The following HEATR5A variants were observed in gnomAD, a reference collection of about 807,000 sequenced individuals.
The protein encoded by HEATR5A is HEAT repeat-containing protein 5A.
Under a neutral mutation model 218.8 loss-of-function variants are expected in HEATR5A, and 178 were observed. The observed-to-expected ratio is 0.81, with a 90% CI of 0.72 to 0.92. HEATR5A has a LOEUF of 0.92. Ranked by LOEUF, HEATR5A falls within the 40% of genes least tolerant of loss-of-function variation. HEATR5A has a pLI of 0.00. For synonymous variants in HEATR5A, 864 were observed against 871.6 expected, an observed-to-expected ratio of 0.99 and a Z score of 0.15; for missense variants, 2,420 against 2,418.9, an observed-to-expected ratio of 1.00 and a Z score of -0.01.
At chr14:31,369,462 A>G (rs1191529910) in intron 13 of HEATR5A, among the ~76,000 whole-genome samples, 1 of 151,774 alleles carries the variant, frequency 6.6e-6, no homozygotes, top group Non-Finnish European at 1.5e-5. Flanking sequence ...AAAACACAAA[A>G]ATTAGCCAGG....
chr14:31,380,554 A>T lies in HEATR5A; in HGVS notation c.1621T>A (p.Leu541Met). The T allele has an allele frequency of 6.2e-7, 1 of 1,601,854 alleles. No homozygotes were observed. Among genetic ancestry groups the T allele is most frequent in the Non-Finnish European group, 8.5e-7 (1 of 1,173,694 alleles). ...GKIIMTLAED[L>M]LCSAAQNSRL... The stretch of plus-strand genomic sequence containing the variant: ...CTGTTTTGAGCAGCAGAACACAGCA[A>T]ATCCTCTGCTAATGTCATAATAATC... The change falls in exon 11 of 36, where the codon TTG (leucine) becomes ATG (methionine). Residue 541 changes from leucine (L) to methionine (M), a missense_variant. Leu to Met is a conservative substitution (Grantham distance 15). Transcript: ENST00000543095.
At chr14:31,413,338 T>A (rs1445727456) in intron 1 of HEATR5A, among the ~76,000 whole-genome samples, 1 of 149,452 alleles carries the variant, frequency 6.7e-6, no homozygotes, top group Non-Finnish European at 1.5e-5. Context: ...TTATAAGAAG[T>A]GGGGTGAAAA....
intron 3 of HEATR5A, among the ~76,000 whole-genome samples, chr14:31,400,006 CA>C (rs1280108100): frequency 6.6e-6 from 1 of 152,098 alleles, no homozygotes; most frequent in African/African-American, 2.4e-5. Flanking sequence ...ATTATAAAAG[CA>C]TCCAAAAATG....
In HEATR5A at chr14:31,398,678, C is replaced by T. The variant is rs1359522816; in HGVS notation, c.442G>A (p.Ala148Thr). Residue 148 changes from alanine (A) to threonine (T), a missense_variant, in exon 4 of 36, where the codon GCA becomes ACA. Ala to Thr is a moderately conservative substitution (Grantham distance 58). Transcript: ENST00000543095. ...VGNILKAMKSAESQGRYEIML... is the reference protein window; with the variant it reads ...VGNILKAMKSTESQGRYEIML... ...CTGAACTTGTAATTACTTACCTCTG[C>T]ACTCTTCATAGCTTTAAGAATATTC... 11 of 1,471,054 alleles carry T rather than the reference C, an allele frequency of 7.5e-6. No homozygotes were observed. Among genetic ancestry groups the T allele is most frequent in the Non-Finnish European group, 9.2e-6 (10 of 1,087,558 alleles). The allele number at this position is 1,471,054 out of a possible 1,614,324, so 91.1% of individuals were successfully genotyped here.
Position 31,352,575 on chromosome 14 carries a change from C to T in HEATR5A, c.2412-1858G>A, listed in dbSNP as rs543938797. On this transcript the variant is annotated intron_variant, in intron 16 of 35. Transcript: ENST00000543095. ...CGTGCCTTTAAAAAACCTAACTGTA[C>T]AAGGAGTTAAAGAGTAAAAAGGAAG... Among the ~76,000 whole-genome samples, 8 of 152,090 alleles carry T rather than the reference C, an allele frequency of 5.3e-5. No individual in the cohort carries two copies. The East Asian group carries it at 5.8e-4, about 11-fold the overall frequency.
intron 22 of HEATR5A, among the ~76,000 whole-genome samples, chr14:31,329,892 T>C (rs1441434138): frequency 6.6e-6 from 1 of 152,164 alleles, no homozygotes; most frequent in African/African-American, 2.4e-5. Flanking sequence ...TTTCTATTTT[T>C]AGTAGAGATG....
At chr14:31,342,721 A>G (rs1900879324) in intron 21 of HEATR5A, among the ~76,000 whole-genome samples, 1 of 152,236 alleles carries the variant, frequency 6.6e-6, no homozygotes. Flanking sequence ...CCCACAATGT[A>G]GATTTAGCCA....
At chr14:31,408,530 A>C (rs575118334) in intron 1 of HEATR5A, among the ~76,000 whole-genome samples, 178 of 152,256 alleles carry the variant, frequency 1.2e-3, no homozygotes, top group Middle Eastern at 6.8e-3. Flanking sequence ...AAATTGAAGA[A>C]CCACTAAGCT....
chr14:31,341,222 T>C (rs1900827944), intron 21 of HEATR5A, among the ~76,000 whole-genome samples: 1 of 152,194 alleles, frequency 6.6e-6, no homozygotes, highest in South Asian at 2.1e-4. Context: ...TAACTGTTAC[T>C]TCAGATCTTC....
intron 9 of HEATR5A, 123 bp from the exon 10 acceptor site, chr14:31,383,894 T>C: frequency 1.4e-6 from 1 of 694,724 alleles, no homozygotes; most frequent in Non-Finnish European, 2.2e-6. Flanking sequence ...CACATTATAA[T>C]AGAAAAATAC....
Position 31,340,399 on chromosome 14 carries a change from A to G in HEATR5A, c.3229-2785T>C. 3 of 1,178,948 alleles carry G rather than the reference A, an allele frequency of 2.5e-6. No homozygotes were observed. The South Asian group carries it at 3.9e-5, about 15-fold the overall frequency. 73.0% of individuals were successfully genotyped at this position (1,178,948 alleles called of 1,614,324 possible). A position where few individuals can be genotyped will look rare whatever the true frequency, so the allele number is the denominator to read the frequency against. ...TACAACCAAAAAATGACACAAAGAA[A>G]CAGCACCGCAAAACTCAAAAAAAGT... On this transcript the variant is annotated intron_variant, in intron 21 of 35. Coordinates refer to ENST00000543095, the MANE Select transcript of HEATR5A (RefSeq NM_015473.4).
At chr14:31,332,676 C>T (rs1900511790) in intron 22 of HEATR5A, among the ~76,000 whole-genome samples, 1 of 152,120 alleles carries the variant, frequency 6.6e-6, no homozygotes, top group Non-Finnish European at 1.5e-5. Context: ...TATTAACCAA[C>T]ACAGAGACAG....
intron 1 of HEATR5A, among the ~76,000 whole-genome samples, chr14:31,416,204 A>T (rs2139331429): frequency 6.6e-6 from 1 of 151,746 alleles, no homozygotes; most frequent in East Asian, 1.9e-4. Flanking sequence ...TGCAACCTCC[A>T]CCTCTCGAGT....
At chr14:31,353,525 C>T (rs1042566299) in intron 16 of HEATR5A, among the ~76,000 whole-genome samples, 1 of 152,052 alleles carries the variant, frequency 6.6e-6, no homozygotes, top group African/African-American at 2.4e-5. Flanking sequence ...CGCTTGAGCC[C>T]ATGAGTTCGA....
At chr14:31,349,564 C>T (rs191301446) in intron 18 of HEATR5A, among the ~76,000 whole-genome samples, 148 of 152,266 alleles carry the variant, frequency 9.7e-4, no homozygotes, top group Middle Eastern at 3.4e-3. Flanking sequence ...CATATAGATT[C>T]TGATCTTTCT....
At chr14:31,366,099 A>G (rs1901792648) in intron 13 of HEATR5A, among the ~76,000 whole-genome samples, 1 of 152,184 alleles carries the variant, frequency 6.6e-6, no homozygotes, top group African/African-American at 2.4e-5. Flanking sequence ...AATACTACTT[A>G]GCAAACATAA....
In HEATR5A at chr14:31,395,348, A is replaced by G; in HGVS notation, c.448T>C (p.Ser150Pro). 2 of 1,488,362 alleles carry G rather than the reference A, an allele frequency of 1.3e-6. No individual in the cohort carries two copies. The highest frequency in any genetic ancestry group is 2.5e-5 in the East Asian group (1 of 40,580). The allele number at this position is 1,488,362 out of a possible 1,614,324, so 92.2% of individuals were successfully genotyped here. The change falls in exon 5 of 36, where the codon TCT becomes CCT. Residue 150 changes from serine to proline, a missense_variant and splice_region_variant. Ser to Pro is a moderately conservative substitution (Grantham distance 74). Coordinates refer to ENST00000543095, the MANE Select transcript of HEATR5A (RefSeq NM_015473.4). ...NILKAMKSAE[S>P]QGRYEIMLSL... The stretch of plus-strand genomic sequence containing the variant: ...AGCATAATCTCATATCGGCCTTGAG[A>G]CTTCCAAAAAGAAAAAAAATTAAAT...
chr14:31,369,606 C>A, intron 13 of HEATR5A, among the ~76,000 whole-genome samples: 3 of 19,620 alleles, frequency 1.5e-4, no homozygotes, highest in Non-Finnish European at 2.5e-4. Flanking sequence ...GCAAAACTGT[C>A]TCAAAAAAAA....
At chr14:31,348,033 A>G (rs1008720671) in intron 18 of HEATR5A, 126 bp from the exon 19 acceptor site, 4 of 514,630 alleles carry the variant, frequency 7.8e-6, no homozygotes, top group Non-Finnish European at 1.3e-5. Flanking sequence ...TTAGAAATAC[A>G]TTTTTGGCTA....
Sources: gnomAD v4.1 joint callset for allele counts (sites outside exome capture counted in the v4.1 genomes callset) on GRCh38, gnomAD v4.1.1 for gene constraint, MANE v1.5 for transcripts, NCBI Gene and HGNC (gene_info 2026-07-23, HGNC 2026-07-21) for gene names.